Variants in CAMSAP1 observed in about 807,000 individuals in gnomAD.
CAMSAP1 encodes calmodulin-regulated spectrin-associated protein 1.
In CAMSAP1, 58 loss-of-function variants were observed where a neutral mutation model predicts 143.5. The observed-to-expected ratio is 0.40, with a 90% confidence interval of 0.33 to 0.50. The LOEUF is 0.50. Ranked by LOEUF, CAMSAP1 falls within the 20% of genes least tolerant of loss-of-function variation. CAMSAP1 has a pLI of 0.45. For missense variants in CAMSAP1, 1,969 were observed against 2,115.7 expected (o/e 0.93, Z 1.36); for synonymous variants, 945 against 859.3 (o/e 1.10, Z -1.74).
chr9:135,898,663 G>A (rs1427347737), intron 1 of CAMSAP1, among the ~76,000 whole-genome samples: 3 of 152,048 alleles, frequency 2.0e-5, no homozygotes, highest in African/African-American at 4.8e-5. Flanking sequence ...CAAAAACCAC[G>A]GTGAGATACA....
intron 7 of CAMSAP1, among the ~76,000 whole-genome samples, chr9:135,842,955 A>G (rs1836412410): frequency 6.6e-6 from 1 of 152,182 alleles, no homozygotes; most frequent in Non-Finnish European, 1.5e-5. Flanking sequence ...ATAAGCAGCT[A>G]GCATCATAAT....
intron 4 of CAMSAP1, chr9:135,866,243 A>G (rs1461072868): frequency 2.5e-5 from 13 of 525,396 alleles, no homozygotes; most frequent in Non-Finnish European, 4.5e-5. Context: ...GTGCAATACA[A>G]AACACCCCTT....
chr9:135,857,952 C>T (rs769355691), intron 5 of CAMSAP1, among the ~76,000 whole-genome samples: 10 of 152,198 alleles, frequency 6.6e-5, no homozygotes, highest in Non-Finnish European at 1.5e-4. Context: ...GAGTGTCCCG[C>T]ATCTACTGAG....
At chr9:135,883,686 T>C (rs939530798) in intron 1 of CAMSAP1, among the ~76,000 whole-genome samples, 1 of 152,236 alleles carries the variant, frequency 6.6e-6, no homozygotes, top group Non-Finnish European at 1.5e-5. Flanking sequence ...TCAGCCTTTA[T>C]CCATTTTTGG....
At chr9:135,848,504 GAC>G (rs35091764) in intron 7 of CAMSAP1, among the ~76,000 whole-genome samples, 27,031 of 150,328 alleles carry the variant, frequency 0.18, 2,751 homozygotes, top group African/African-American at 0.26. Flanking sequence ...TTTAGCCCCA[GAC>G]ACACACACAC....
intron 7 of CAMSAP1, chr9:135,836,508 A>G (rs1456531971): frequency 1.4e-5 from 14 of 968,542 alleles, no homozygotes; most frequent in Non-Finnish European, 1.7e-5. Context: ...ATCACCACGC[A>G]CTTTCCACCC....
chr9:135,874,494 C>A (rs1334090726), intron 3 of CAMSAP1, among the ~76,000 whole-genome samples: 31 of 127,582 alleles, frequency 2.4e-4, no homozygotes, highest in African/African-American at 4.0e-4. Context: ...GGGGGGGCCA[C>A]AGGGGCCGGG....
At position 135,864,044 on chromosome 9, in the gene CAMSAP1, C is replaced by T. The variant is rs138072247; in HGVS notation, c.667-1436G>A. On this transcript the variant is annotated intron_variant, in intron 4 of 16. Transcript: ENST00000389532. Reference sequence around the variant, plus strand: ...AGGCTGTACAGTGTTGAGGTTAGACCTCTAAATCTGTCCGTCTTTCCCAGG... The same window carrying T: ...AGGCTGTACAGTGTTGAGGTTAGACTTCTAAATCTGTCCGTCTTTCCCAGG... Among the ~76,000 whole-genome samples, 37 of 152,332 alleles carry T rather than the reference C, an allele frequency of 2.4e-4. No individual in the cohort carries two copies. The East Asian group carries it at 6.9e-3, about 29-fold the overall frequency.
In CAMSAP1 at chr9:135,809,440, G is replaced by C. The variant is rs574384211; in HGVS notation, c.*1869C>G. The C allele has an allele frequency of 2.6e-5, 4 of 152,294 alleles. No individual in the cohort carries two copies. In the East Asian group the frequency reaches 5.8e-4, roughly 22 times the overall value. The allele number at this position is 152,294 out of a possible 1,614,324, so 9.4% of individuals were successfully genotyped here. A position where few individuals can be genotyped will look rare whatever the true frequency, so the allele number is the denominator to read the frequency against. On this transcript the variant is annotated 3_prime_UTR_variant, in exon 17 of 17. Transcript: ENST00000389532. The stretch of plus-strand genomic sequence containing the variant: ...CCAGCTCTATGCCAGATATTTTCTA[G>C]CTCTTCATTAAAAAGAATCCAATTC...
chr9:135,865,272 G>A, intron 4 of CAMSAP1: 2 of 1,513,942 alleles, frequency 1.3e-6, no homozygotes, highest in Non-Finnish European at 1.8e-6. Flanking sequence ...TTTAATGGAA[G>A]CAAGTGATCG....
chr9:135,816,048 G>C, intron 14 of CAMSAP1, 43 bp from the exon 15 acceptor site: 1 of 1,577,556 alleles, frequency 6.3e-7, no homozygotes, highest in Non-Finnish European at 8.7e-7. Flanking sequence ...TGAAGCGCTG[G>C]CTTCCTCTCA....
chr9:135,819,803 T>C (rs746429166), intron 11 of CAMSAP1, among the ~76,000 whole-genome samples: 7 of 151,182 alleles, frequency 4.6e-5, no homozygotes, highest in Non-Finnish European at 8.8e-5. Context: ...GCCAAGATCA[T>C]GCCCTTTTAC....
chr9:135,905,745 A>G (rs1010669045), intron 1 of CAMSAP1, among the ~76,000 whole-genome samples: 4 of 152,260 alleles, frequency 2.6e-5, no homozygotes, highest in Non-Finnish European at 4.4e-5. Flanking sequence ...AAAGAAAAGC[A>G]AAACAGTGAC....
At chr9:135,863,304 T>C (rs1837263654) in intron 4 of CAMSAP1, among the ~76,000 whole-genome samples, 13 of 152,152 alleles carry the variant, frequency 8.5e-5, no homozygotes, top group Admixed American at 8.5e-4. Flanking sequence ...TGCCCCTGTA[T>C]CTGCATGTCA....
rs139688665 is a variant in CAMSAP1 at position 135,811,231 on chromosome 9, G to A, written c.*78C>T. On this transcript the variant is annotated 3_prime_UTR_variant, in exon 17 of 17. Transcript: ENST00000389532. The surrounding 1 kb of genome is among the most constrained non-coding windows in gnomAD (Gnocchi z 4.9). Reference sequence around the variant, plus strand: ...GATGAAAACAATAAATAAGGACCCCGTGGCACCCTCTGGATGCCAGCCACA... The same window carrying A: ...GATGAAAACAATAAATAAGGACCCCATGGCACCCTCTGGATGCCAGCCACA... 7.0e-3 allele frequency: 10,106 copies of A among 1,452,586 alleles called. 50 individuals are homozygous for A. Among genetic ancestry groups the A allele is most frequent in the Non-Finnish European group, 7.5e-3 (8,085 of 1,071,092 alleles). The allele number at this position is 1,452,586 out of a possible 1,614,324, so 90.0% of individuals were successfully genotyped here.
At chr9:135,906,614 G>A (rs1838784892) in intron 1 of CAMSAP1, among the ~76,000 whole-genome samples, 1 of 152,238 alleles carries the variant, frequency 6.6e-6, no homozygotes, top group Admixed American at 6.5e-5. Context: ...GTCCAGCACT[G>A]GACGATGCCC....
chr9:135,836,354 A>G, intron 7 of CAMSAP1: 2 of 983,274 alleles, frequency 2.0e-6, no homozygotes, highest in Non-Finnish European at 2.4e-6. Context: ...GCAGCCACAC[A>G]TCACCACATA....
In CAMSAP1 at chr9:135,824,926, T is replaced by C; in HGVS notation, c.1224-46A>G. On this transcript the variant is annotated intron_variant, in intron 8 of 16. Coordinates refer to ENST00000389532, the MANE Select transcript of CAMSAP1 (RefSeq NM_015447.4). This position sits in a 1 kb window ranked among gnomAD's most constrained non-coding sequence, Gnocchi z 4.1. Reference sequence around the variant, plus strand: ...AGGGAAAATCATTCCTTTATCAAACTTCAAGGTCAACAGCAAATGCACAAG... The same window carrying C: ...AGGGAAAATCATTCCTTTATCAAACCTCAAGGTCAACAGCAAATGCACAAG... 1.4e-6 allele frequency: 2 copies of C among 1,463,530 alleles called. No individual in the cohort carries two copies. The highest frequency in any genetic ancestry group is 1.9e-6 in the Non-Finnish European group (2 of 1,070,306). 90.7% of individuals were successfully genotyped at this position (1,463,530 alleles called of 1,614,324 possible). A position where few individuals can be genotyped will look rare whatever the true frequency, so the allele number is the denominator to read the frequency against.
rs1330377788 is a variant in CAMSAP1, at chr9:135,821,996, G to A, written c.2665C>T (p.Arg889Cys). 2.5e-6 allele frequency: 4 copies of A among 1,613,030 alleles called. No individual in the cohort carries two copies. The highest frequency in any genetic ancestry group is 1.3e-5 in the African/African-American group (1 of 75,054). ...VQLHMQLEEK[R>C]RAIEAQKKKM... ...TTCTTCTGGGCCTCGATGGCCCTGC[G>A]CTTCTCCTCCAGCTGCATGTGCAGC... The change falls in exon 11 of 17, where the codon CGC becomes TGC. Residue 889 changes from arginine (R) to cysteine (C), a missense_variant. Transcript: ENST00000389532. This position sits in a 1 kb window ranked among gnomAD's most constrained non-coding sequence, Gnocchi z 4.6.
Sources: allele counts gnomAD v4.1 joint callset (sites outside exome capture counted in the v4.1 genomes callset), GRCh38; gene constraint gnomAD v4.1.1; non-coding constraint Gnocchi (gnomAD v3.1); transcripts MANE v1.5; gene names NCBI Gene and HGNC (gene_info 2026-07-23, HGNC 2026-07-21).